Variants in ARPC2 observed in about 807,000 individuals in gnomAD.
ARPC2 encodes the protein actin related protein 2/3 complex subunit 2, also known as actin-related protein 2/3 complex subunit 2.
ARPC2 carries 4 observed loss-of-function variants against 38.6 expected under a neutral mutation model. That is an observed-to-expected ratio of 0.10 (90% confidence interval 0.05 to 0.24). The LOEUF (loss-of-function observed/expected upper bound fraction) is 0.24. Among genes scored for constraint, ARPC2 ranks in the 10% least tolerant of loss-of-function variants. The pLI, the probability that ARPC2 is intolerant of heterozygous loss-of-function variation, is 1.00. For synonymous variants in ARPC2, 125 were observed against 140.8 expected (o/e 0.89, Z 0.79); for missense variants, 229 against 387.3 (o/e 0.59, Z 3.43).
chr2:218,246,662 G>T (rs568699795), intron 8 of ARPC2, among the ~76,000 whole-genome samples: 1 of 151,996 alleles, frequency 6.6e-6, no homozygotes, highest in East Asian at 1.9e-4. Flanking sequence ...ATAACATGGT[G>T]CAGGCTCATC....
At chr2:218,234,134 A>G in intron 4 of ARPC2, 1 of 420,292 alleles carries the variant, frequency 2.4e-6, no homozygotes, top group East Asian at 4.2e-5. Context: ...GCGCCATTGC[A>G]CTCTGTCCCA....
At chr2:218,237,405 G>T (rs1302577839) in intron 5 of ARPC2, among the ~76,000 whole-genome samples, 2 of 151,810 alleles carry the variant, frequency 1.3e-5, no homozygotes, top group Non-Finnish European at 2.9e-5. Context: ...TGCCATATTG[G>T]CCAGGCAGGT....
intron 8 of ARPC2, among the ~76,000 whole-genome samples, chr2:218,247,057 A>T (rs6752322): frequency 4.6e-5 from 7 of 152,076 alleles, no homozygotes; most frequent in Admixed American, 1.3e-4. Context: ...CCCAGGAGGT[A>T]GAGGCTGCAG....
rs16858891 is a variant in ARPC2 at position 218,244,387 on chromosome 2, C to G, written c.550-1033C>G. Among the ~76,000 whole-genome samples, 1,313 of 152,338 alleles carry G rather than the reference C, an allele frequency of 8.6e-3. 13 individuals carry two copies. The highest frequency in any genetic ancestry group is 0.014 in the Non-Finnish European group (922 of 68,040). On this transcript the variant is annotated intron_variant, in intron 7 of 10. Transcript: ENST00000315717. Reference sequence around the variant, plus strand: ...TTCCTGCCTGCAACTGGAAACAGCCCTTGCCTATTCCTGTACAGTGTGATG... The same window carrying G: ...TTCCTGCCTGCAACTGGAAACAGCCGTTGCCTATTCCTGTACAGTGTGATG...
At chr2:218,241,699 C>T (rs1689920509) in intron 7 of ARPC2, among the ~76,000 whole-genome samples, 1 of 152,132 alleles carries the variant, frequency 6.6e-6, no homozygotes, top group Admixed American at 6.5e-5. Context: ...TCTTTTTTGG[C>T]ATATGATTTA....
intron 4 of ARPC2, among the ~76,000 whole-genome samples, chr2:218,230,671 T>C (rs1488221092): frequency 6.6e-6 from 1 of 152,128 alleles, no homozygotes; most frequent in Non-Finnish European, 1.5e-5. Flanking sequence ...TTTTTTTAAA[T>C]TGTGTAATCA....
intron 1 of ARPC2, 89 bp downstream of exon 1, chr2:218,217,343 C>G: frequency 1.2e-6 from 1 of 839,298 alleles, no homozygotes; most frequent in Middle Eastern, 3.1e-4. Context: ...CCCCTCTCCC[C>G]TTCTCCCCTA....
intron 8 of ARPC2, among the ~76,000 whole-genome samples, chr2:218,247,804 G>A (rs1008110916): frequency 6.6e-5 from 10 of 152,228 alleles, no homozygotes; most frequent in East Asian, 5.8e-4. Flanking sequence ...TTAGCTGGGC[G>A]TGGTGGTGGG....
intron 3 of ARPC2, among the ~76,000 whole-genome samples, chr2:218,227,293 C>A (rs1033576228): frequency 2.0e-5 from 3 of 152,088 alleles, no homozygotes; most frequent in African/African-American, 4.8e-5. Flanking sequence ...AGAGGGGAGT[C>A]CTATAGATTA....
At chr2:218,226,939 T>C (rs1351208790) in intron 3 of ARPC2, 1 of 453,956 alleles carries the variant, frequency 2.2e-6, no homozygotes, top group Non-Finnish European at 4.4e-6. Context: ...CAGAGAGAGA[T>C]GTTGCTGCTT....
chr2:218,234,276 C>T, intron 4 of ARPC2, 76 bp from the exon 5 acceptor site: 1 of 1,165,662 alleles, frequency 8.6e-7, no homozygotes. Context: ...TTGGCAAGTG[C>T]AGTACTTTAA....
intron 10 of ARPC2, among the ~76,000 whole-genome samples, chr2:218,252,115 C>G (rs1690206124): frequency 6.6e-6 from 1 of 152,036 alleles, no homozygotes; most frequent in Admixed American, 6.6e-5. Flanking sequence ...CCCAGCTACT[C>G]TGGAGGCTGA....
intron 3 of ARPC2, among the ~76,000 whole-genome samples, chr2:218,227,296 A>G (rs529326298): frequency 2.6e-4 from 40 of 152,366 alleles, no homozygotes; most frequent in African/African-American, 8.2e-4. Flanking sequence ...GGGGAGTCCT[A>G]TAGATTAGAA....
At position 218,249,353 on chromosome 2, in the gene ARPC2, T is replaced by TCAA. The variant is rs753376182; in HGVS notation, c.677-10_677-9insAAC. 5.0e-6 allele frequency: 8 copies of TCAA among 1,601,528 alleles called. No individual in the cohort carries two copies. Among genetic ancestry groups the TCAA allele is most frequent in the Middle Eastern group, 1.7e-4 (1 of 6,054 alleles). ...GTGTCCTGACGCCTTGTTTGTGTCTTCCGCCTTCAGTGCTGTTCCCTCGTC... is the reference window on the plus strand; with the variant it reads ...GTGTCCTGACGCCTTGTTTGTGTCTTCAACCGCCTTCAGTGCTGTTCCCTCGTC... On this transcript the variant is annotated splice_polypyrimidine_tract_variant and intron_variant, in intron 8 of 10. Transcript: ENST00000315717.
chr2:218,235,366 C>A (rs1230147902), intron 5 of ARPC2: 1 of 153,864 alleles, frequency 6.5e-6, no homozygotes, highest in Non-Finnish European at 1.4e-5. Flanking sequence ...TTTGTAGAAA[C>A]AGAGTCTCAC....
intron 3 of ARPC2, chr2:218,226,880 C>A: frequency 3.0e-6 from 1 of 332,410 alleles, no homozygotes; most frequent in Non-Finnish European, 6.6e-6. Context: ...GTTTGCCTAG[C>A]ACTAGAGTAG....
At chr2:218,236,841 A>G (rs921353854) in intron 5 of ARPC2, 7 of 152,208 alleles carry the variant, frequency 4.6e-5, no homozygotes, top group South Asian at 2.1e-4. Context: ...AAAAAATGAA[A>G]TAGTAATGAG....
rs1220270957 is a variant in ARPC2 at position 218,245,549 on chromosome 2, G to A, written c.676+3G>A. On this transcript the variant is annotated splice_donor_region_variant and intron_variant, in intron 8 of 10. Transcript: ENST00000315717. ...CAACATTGGCTACATTACCTTTGGT[G>A]AGCAGGGTGCACTTGCTGCTTTTGT... The A allele has an allele frequency of 1.7e-5, 27 of 1,613,966 alleles. No individual in the cohort carries two copies. The highest frequency in any genetic ancestry group is 2.3e-5 in the Non-Finnish European group (27 of 1,179,990).
At chr2:218,246,465 G>A (rs374698082) in intron 8 of ARPC2, among the ~76,000 whole-genome samples, 20 of 152,296 alleles carry the variant, frequency 1.3e-4, no homozygotes, top group African/African-American at 4.6e-4. Context: ...AGGAGGCGGA[G>A]GTTGCAGTGA....
Sources: gnomAD v4.1 joint callset for allele counts (sites outside exome capture counted in the v4.1 genomes callset) on GRCh38, gnomAD v4.1.1 for gene constraint, MANE v1.5 for transcripts, NCBI Gene and HGNC (gene_info 2026-07-23, HGNC 2026-07-21) for gene names.